The following NAALADL2 variants were observed in gnomAD, a reference collection of about 807,000 sequenced individuals.
NAALADL2 encodes N-acetylated alpha-linked acidic dipeptidase like 2, also known as inactive N-acetylated-alpha-linked acidic dipeptidase-like protein 2.
NAALADL2 carries 76 observed loss-of-function variants against 87.2 expected under a neutral mutation model. That is an observed-to-expected ratio of 0.87 (90% CI 0.72 to 1.05). The LOEUF is 1.05. NAALADL2 is among the 50% of genes least tolerant of loss of function. NAALADL2 has a pLI of 0.00. For synonymous variants in NAALADL2, 354 were observed against 331.0 expected, an observed-to-expected ratio of 1.07 and a Z score of -0.75; for missense variants, 1,089 against 945.8, an observed-to-expected ratio of 1.15 and a Z score of -1.99.
At chr3:174,552,795 C>CAAAAAAAAAAAA (rs1164243901) in intron 2 of NAALADL2, among the ~76,000 whole-genome samples, 1 of 55,976 alleles carries the variant, frequency 1.8e-5, no homozygotes, top group African/African-American at 5.6e-5. Context: ...GACCCTGCCT[C>CAAAAAAAAAAAA]AAAAAAAAAA....
chr3:174,940,570 A>G (rs1579635118), intron 1 of NAALADL2, among the ~76,000 whole-genome samples: 1 of 151,850 alleles, frequency 6.6e-6, no homozygotes, highest in African/African-American at 2.4e-5. Context: ...TTTTTTTGGA[A>G]TGGTTTCAGT....
At chr3:175,499,331 AACTTT>A (rs1264967426) in intron 9 of NAALADL2, among the ~76,000 whole-genome samples, 1 of 152,154 alleles carries the variant, frequency 6.6e-6, no homozygotes, top group Admixed American at 6.6e-5. Flanking sequence ...CAAACATTTA[AACTTT>A]ACTTAGGAAC....
At chr3:174,685,768 C>G (rs1727975228) in intron 2 of NAALADL2, among the ~76,000 whole-genome samples, 1 of 152,106 alleles carries the variant, frequency 6.6e-6, no homozygotes, top group South Asian at 2.1e-4. Flanking sequence ...TTTCATCACC[C>G]ATGTGTTAAG....
chr3:175,190,558 G>A (rs1335827555), intron 2 of NAALADL2, among the ~76,000 whole-genome samples: 1 of 152,106 alleles, frequency 6.6e-6, no homozygotes, highest in East Asian at 1.9e-4. Flanking sequence ...TGTTGGCAAG[G>A]GTGTGAAGAA....
chr3:175,506,814 T>C (rs1007924353), intron 9 of NAALADL2, among the ~76,000 whole-genome samples: 4 of 152,202 alleles, frequency 2.6e-5, no homozygotes, highest in African/African-American at 9.6e-5. Context: ...AAATTCTCCA[T>C]ACTTGGTTAT....
At chr3:174,721,360 G>A (rs1272619938) in intron 2 of NAALADL2, among the ~76,000 whole-genome samples, 1 of 152,022 alleles carries the variant, frequency 6.6e-6, no homozygotes, top group Admixed American at 6.6e-5. Context: ...CCTCAAATAA[G>A]CAAATGGAAG....
At position 175,588,539 on chromosome 3, in the gene NAALADL2, T is replaced by TC. The variant is rs1323940286; in HGVS notation, c.1800+12352_1800+12353insC. The stretch of plus-strand genomic sequence containing the variant: ...AGACTTTCTTTCTTTCTTTTCTTTT[T>TC]TTTTTTTTTTTTTTTTTGAGATGGA... On this transcript the variant is annotated intron_variant, in intron 10 of 13. Coordinates refer to ENST00000454872, the MANE Select transcript of NAALADL2 (RefSeq NM_207015.3). 2.2e-4 allele frequency among the ~76,000 whole-genome samples: 29 copies of TC among 130,232 alleles called. No individual in the cohort carries two copies. The South Asian group carries it at 6.4e-3, about 29-fold the overall frequency. The allele number at this position is 130,232 out of a possible 152,430, so 85.4% of individuals were successfully genotyped here.
intron 5 of NAALADL2, among the ~76,000 whole-genome samples, chr3:175,436,667 T>G (rs1718724169): frequency 8.9e-6 from 1 of 111,930 alleles, no homozygotes; most frequent in African/African-American, 3.5e-5. Flanking sequence ...AAGTGTCTGT[T>G]CATGTCCTTC....
chr3:174,775,843 C>T (rs1175375824), intron 3 of NAALADL2, among the ~76,000 whole-genome samples: 6 of 152,136 alleles, frequency 3.9e-5, no homozygotes, highest in Admixed American at 2.6e-4. Context: ...TGTTACCTCA[C>T]CACATTCCTT....
chr3:175,601,464 A>G (rs925559302), intron 10 of NAALADL2, among the ~76,000 whole-genome samples: 3 of 152,210 alleles, frequency 2.0e-5, no homozygotes, highest in Non-Finnish European at 2.9e-5. Flanking sequence ...GTGATTGAAT[A>G]TAATGCATGT....
intron 1 of NAALADL2, among the ~76,000 whole-genome samples, chr3:175,019,041 C>T (rs984687184): frequency 7.2e-5 from 11 of 152,066 alleles, no homozygotes; most frequent in African/African-American, 2.7e-4. Context: ...TATTATACCA[C>T]CATGCCCTTA....
intron 2 of NAALADL2, among the ~76,000 whole-genome samples, chr3:175,173,620 A>G (rs1735214889): frequency 6.6e-6 from 1 of 152,244 alleles, no homozygotes; most frequent in Admixed American, 6.5e-5. Context: ...TTTCCAACTT[A>G]CTGGGCCATC....
intron 3 of NAALADL2, among the ~76,000 whole-genome samples, chr3:174,835,347 G>T (rs1393109282): frequency 6.6e-6 from 1 of 151,914 alleles, no homozygotes. Flanking sequence ...CATATAAAAC[G>T]GTTAACTTGA....
At chr3:175,031,855 T>C (rs116358697) in intron 1 of NAALADL2, among the ~76,000 whole-genome samples, 1,533 of 152,228 alleles carry the variant, frequency 0.01, 31 homozygotes, top group African/African-American at 0.035. Flanking sequence ...GATTTGCATT[T>C]ATCTGATGTT....
At chr3:175,605,675 C>T (rs7624296) in intron 10 of NAALADL2, among the ~76,000 whole-genome samples, 107,630 of 144,254 alleles carry the variant, frequency 0.75, 40,420 homozygotes, top group East Asian at 0.88. Context: ...TTAGATAACA[C>T]GTAATTATAA....
At chr3:175,250,233 C>T (rs1245315320) in intron 3 of NAALADL2, among the ~76,000 whole-genome samples, 3 of 140,948 alleles carry the variant, frequency 2.1e-5, no homozygotes, top group South Asian at 2.4e-4. Flanking sequence ...AGTTTGCTCT[C>T]TCTTTTTCTC....
At chr3:175,279,105 T>C (rs939207034) in intron 4 of NAALADL2, among the ~76,000 whole-genome samples, 4 of 152,146 alleles carry the variant, frequency 2.6e-5, no homozygotes, top group East Asian at 1.9e-4. Flanking sequence ...AGAGCTGTAT[T>C]TTGTTCAAAG....
chr3:174,645,979 C>T (rs1032816661), intron 2 of NAALADL2, among the ~76,000 whole-genome samples: 1 of 152,146 alleles, frequency 6.6e-6, no homozygotes, highest in Non-Finnish European at 1.5e-5. Context: ...GTAACACAAG[C>T]TTTCATGTTA....
At chr3:175,643,284 G>A (rs139335649) in intron 11 of NAALADL2, among the ~76,000 whole-genome samples, 1,947 of 152,184 alleles carry the variant, frequency 0.013, 41 homozygotes, top group African/African-American at 0.044. Flanking sequence ...CTGTTGATGG[G>A]CATTTATTGT....
Sources: allele counts gnomAD v4.1 joint callset (sites outside exome capture counted in the v4.1 genomes callset), GRCh38; gene constraint gnomAD v4.1.1; transcripts MANE v1.5; gene names NCBI Gene and HGNC (gene_info 2026-07-23, HGNC 2026-07-21).